Variants in FAHD2B observed in about 807,000 individuals in gnomAD.
FAHD2B encodes the protein oxaloacetate tautomerase FAHD2B, mitochondrial.
Under a neutral mutation model 33.7 loss-of-function variants are expected in FAHD2B, and 26 were observed. The ratio of observed to expected loss-of-function variants is 0.77; its 90% CI spans 0.57 to 1.07. The LOEUF is 1.07. Ranked by LOEUF, FAHD2B falls within the 50% of genes least tolerant of loss-of-function variation. FAHD2B has a pLI of 0.00. For synonymous variants in FAHD2B, 108 were observed against 150.9 expected (o/e 0.72, Z 2.08); for missense variants, 272 against 388.1 (o/e 0.70, Z 2.51).
intron 4 of FAHD2B, chr2:97,086,930 G>C (rs2032025385): frequency 6.6e-6 from 1 of 152,076 alleles, no homozygotes; most frequent in African/African-American, 2.4e-5. Flanking sequence ...CAAACTTGAA[G>C]GTCCCTCATT....
chr2:97,087,553 G>T (rs1441292860), intron 4 of FAHD2B, among the ~76,000 whole-genome samples: 1 of 151,956 alleles, frequency 6.6e-6, no homozygotes, highest in African/African-American at 2.4e-5. Context: ...CAAAAAATTA[G>T]CCAGGTGTGG....
chr2:97,085,108 A>T (rs557132803), intron 6 of FAHD2B, among the ~76,000 whole-genome samples: 9 of 151,890 alleles, frequency 5.9e-5, no homozygotes, highest in Admixed American at 2.6e-4. Flanking sequence ...ACACAATTTA[A>T]CTTTGCCGAG....
Position 97,085,904 on chromosome 2 carries a change from G to A in FAHD2B, c.523-43C>T, listed in dbSNP as rs114858791. On this transcript the variant is annotated intron_variant, in intron 5 of 8. Coordinates refer to ENST00000414820, the MANE Select transcript of FAHD2B (RefSeq NM_001320848.2). ...TTGGCCATACAGGAGGTTAGATCAC[G>A]GGTGACACCAACACCTGTGGCAAGG... 2.2e-3 allele frequency: 3,519 copies of A among 1,611,462 alleles called. 76 individuals carry two copies. In the African/African-American group the frequency reaches 0.042, roughly 19 times the overall value.
downstream of FAHD2B, chr2:97,083,318 G>A: frequency 8.3e-6 from 13 of 1,560,792 alleles, no homozygotes; most frequent in Non-Finnish European, 1.1e-5. Context: ...CTGTGTCCTA[G>A]AGCCAGAAGA....
intron 6 of FAHD2B, among the ~76,000 whole-genome samples, chr2:97,084,784 G>A (rs1269064257): frequency 2.0e-5 from 3 of 151,786 alleles, no homozygotes; most frequent in Non-Finnish European, 2.9e-5. Flanking sequence ...GTGGTGGTGC[G>A]TGCCTGTAGT....
chr2:97,086,869 T>C (rs1056671263), intron 4 of FAHD2B: 1 of 152,118 alleles, frequency 6.6e-6, no homozygotes, highest in Non-Finnish European at 1.5e-5. Flanking sequence ...ATGATGAGCC[T>C]GGAACGTCTT....
At chr2:97,087,528 T>C (rs1350740894) in intron 4 of FAHD2B, among the ~76,000 whole-genome samples, 1 of 151,950 alleles carries the variant, frequency 6.6e-6, no homozygotes, top group African/African-American at 2.4e-5. Context: ...TGAAACCCTG[T>C]CTCTACTAGA....
At chr2:97,084,790 G>A (rs1192859464) in intron 6 of FAHD2B, among the ~76,000 whole-genome samples, 2 of 151,624 alleles carry the variant, frequency 1.3e-5, no homozygotes, top group African/African-American at 2.4e-5. Flanking sequence ...GTGCGTGCCT[G>A]TAGTCCCAGC....
At chr2:97,081,050 G>A (rs2031625073), downstream of FAHD2B, 5 of 1,457,298 alleles carry the variant, frequency 3.4e-6, no homozygotes, top group Middle Eastern at 1.9e-4. Context: ...GGATGTGTGT[G>A]CAGTGGTGAA....
At position 97,091,618 on chromosome 2, in the gene FAHD2B, A is replaced by T; in HGVS notation, c.89T>A (p.Val30Glu). The change falls in exon 3 of 9, where the codon GTG (valine) becomes GAG (glutamate). Residue 30 changes from valine (V) to glutamate (E), a missense_variant. Coordinates refer to ENST00000414820, the MANE Select transcript of FAHD2B (RefSeq NM_001320848.2). The part of the protein sequence containing the change: ...PFQPSRDMRL[V>E]QFRAPHLVGP... Reference sequence around the variant, plus strand: ...CACCAGGTGGGGTGCCCGGAACTGCACTAGTCTCATGTCTCTGGAGGGTTG... The same window carrying T: ...CACCAGGTGGGGTGCCCGGAACTGCTCTAGTCTCATGTCTCTGGAGGGTTG... 1 of 1,613,914 alleles carries T rather than the reference A, an allele frequency of 6.2e-7. No homozygotes were observed. Among genetic ancestry groups the T allele is most frequent in the Non-Finnish European group, 8.5e-7 (1 of 1,180,012 alleles).
chr2:97,087,444 T>C (rs1414478337), intron 4 of FAHD2B, among the ~76,000 whole-genome samples: 7 of 151,974 alleles, frequency 4.6e-5, no homozygotes, highest in East Asian at 3.9e-4. Flanking sequence ...ATGCCCATAA[T>C]CCCAGCACTT....
At chr2:97,083,385 T>C, downstream of FAHD2B, 1 of 1,473,230 alleles carries the variant, frequency 6.8e-7, no homozygotes, top group Non-Finnish European at 9.0e-7. Flanking sequence ...TGAGGCTTGA[T>C]TGTCCCTTGC....
At chr2:97,081,358 T>C, downstream of FAHD2B, 1 of 1,571,200 alleles carries the variant, frequency 6.4e-7, no homozygotes, top group Non-Finnish European at 8.6e-7. Context: ...GTGGTAGGTC[T>C]GGCCTTGCCC....
downstream of FAHD2B, chr2:97,082,666 T>A: frequency 6.4e-7 from 1 of 1,566,386 alleles, no homozygotes; most frequent in South Asian, 1.1e-5. Flanking sequence ...CTCCCTGTCC[T>A]CCCTACCTAG....
At position 97,083,943 on chromosome 2, in the gene FAHD2B, C is replaced by G. The variant is rs1373959536; in HGVS notation, c.882+5G>C. On this transcript the variant is annotated splice_donor_5th_base_variant and intron_variant, in intron 8 of 8. Transcript: ENST00000414820. ...CCTTGCTCTCTTTGCTTTTCGCTAA[C>G]CTACCTTGAGAAAGACAGGAGGTTT... is the stretch of plus-strand genomic sequence containing the variant. 1 of 1,613,898 alleles carries G rather than the reference C, an allele frequency of 6.2e-7. No individual in the cohort carries two copies. Among genetic ancestry groups the G allele is most frequent in the Non-Finnish European group, 8.5e-7 (1 of 1,179,980 alleles).
chr2:97,089,902 G>A, intron 4 of FAHD2B: 1 of 615,024 alleles, frequency 1.6e-6, no homozygotes, highest in Non-Finnish European at 2.9e-6. Flanking sequence ...TTTATCTACA[G>A]TGAAGGTGTA....
At chr2:97,092,267 T>A (rs1310121647) in intron 1 of FAHD2B, among the ~76,000 whole-genome samples, 1 of 152,156 alleles carries the variant, frequency 6.6e-6, no homozygotes, top group Non-Finnish European at 1.5e-5. Context: ...TTAAATGCTA[T>A]TTTGGTCCTG....
Position 97,085,788 on chromosome 2 carries a change from CTT to C in FAHD2B, c.594_595del (p.Arg199ThrfsTer99), listed in dbSNP as rs769284454. On this transcript the variant is annotated frameshift_variant, in exon 6 of 9. Coordinates refer to ENST00000414820, the MANE Select transcript of FAHD2B (RefSeq NM_001320848.2). LOFTEE classifies it high-confidence loss of function. The stretch of plus-strand genomic sequence containing the variant: ...CAGCAGCCACTGTTTCCCATTGCGT[CTT>C]GTTAGCCAGTCACGAGCACTCACGT... The C allele has an allele frequency of 8.7e-6, 14 of 1,613,710 alleles. No homozygotes were observed. The highest frequency in any genetic ancestry group is 5.3e-5 in the African/African-American group (4 of 74,916).
At chr2:97,082,753 C>T, downstream of FAHD2B, 2 of 1,558,528 alleles carry the variant, frequency 1.3e-6, no homozygotes, top group Non-Finnish European at 1.8e-6. Flanking sequence ...CTTCAGAGAC[C>T]TAGGGGTGAG....
Sources: gnomAD v4.1 joint callset for allele counts (sites outside exome capture counted in the v4.1 genomes callset) on GRCh38, gnomAD v4.1.1 for gene constraint, MANE v1.5 for transcripts, NCBI Gene and HGNC (gene_info 2026-07-23, HGNC 2026-07-21) for gene names.